The following GRHL2 variants were observed in gnomAD, a reference collection of about 807,000 sequenced individuals.
GRHL2 encodes the protein grainyhead like transcription factor 2.
Under a neutral mutation model 83.8 loss-of-function variants are expected in GRHL2, and 21 were observed. That is an observed-to-expected ratio of 0.25 (90% confidence interval 0.18 to 0.36). The LOEUF is 0.36. Among genes scored for constraint, GRHL2 ranks in the 10% least tolerant of loss-of-function variants. The probability of loss-of-function intolerance (pLI) is 1.00; values close to 1 mark genes in which losing one functional copy is unlikely to be tolerated. For synonymous variants in GRHL2, 280 were observed against 278.9 expected, an observed-to-expected ratio of 1.00 and a Z score of -0.04; for missense variants, 623 against 781.8, an observed-to-expected ratio of 0.80 and a Z score of 2.42.
intron 1 of GRHL2, among the ~76,000 whole-genome samples, chr8:101,540,679 A>G (rs1163052800): frequency 6.6e-6 from 1 of 152,120 alleles, no homozygotes; most frequent in Non-Finnish European, 1.5e-5. Flanking sequence ...GGCCCTTGAC[A>G]CACTTTTCAT....
intron 14 of GRHL2, among the ~76,000 whole-genome samples, chr8:101,649,838 A>G (rs533023181): frequency 2.0e-5 from 3 of 152,308 alleles, no homozygotes; most frequent in Non-Finnish European, 2.9e-5. Context: ...AAAACAATTA[A>G]CAAGTGTTTC....
intron 1 of GRHL2, among the ~76,000 whole-genome samples, chr8:101,504,229 C>T (rs1160374474): frequency 1.3e-5 from 2 of 152,188 alleles, no homozygotes; most frequent in African/African-American, 2.4e-5. Flanking sequence ...TGCTGCCTGT[C>T]GGTTCTGTGC....
chr8:101,533,686 G>T (rs1027987845), intron 1 of GRHL2, among the ~76,000 whole-genome samples: 7 of 152,232 alleles, frequency 4.6e-5, no homozygotes, highest in African/African-American at 9.6e-5. Context: ...GTGGAAGCAG[G>T]TTGCTGCATT....
At chr8:101,678,055 C>T in the GRHL2 span, among the ~76,000 whole-genome samples, 1 of 152,180 alleles carries the variant, frequency 6.6e-6, no homozygotes, top group African/African-American at 2.4e-5. Context: ...CAGCACACTT[C>T]CGGCGAAGAC....
intron 7 of GRHL2, among the ~76,000 whole-genome samples, chr8:101,597,874 T>A (rs909486947): frequency 4.6e-5 from 7 of 151,338 alleles, no homozygotes; most frequent in Admixed American, 2.6e-4. Context: ...CAACGAGCAG[T>A]GAGGTTAGAT....
At chr8:101,586,402 T>A (rs539372991) in intron 7 of GRHL2, among the ~76,000 whole-genome samples, 1 of 152,314 alleles carries the variant, frequency 6.6e-6, no homozygotes, top group South Asian at 2.1e-4. Context: ...ATCTCTGGGG[T>A]TCTCCTTGCC....
chr8:101,562,240 C>T, intron 4 of GRHL2: 1 of 604,928 alleles, frequency 1.7e-6, no homozygotes, highest in South Asian at 1.5e-5. Flanking sequence ...TTCCATAGCT[C>T]TCACTGGTAT....
chr8:101,589,398 G>A (rs1290297043), intron 7 of GRHL2, among the ~76,000 whole-genome samples: 2 of 152,222 alleles, frequency 1.3e-5, no homozygotes, highest in African/African-American at 2.4e-5. Context: ...ACGGGCACGC[G>A]TGCATGTGTG....
In GRHL2 at chr8:101,636,909, A is replaced by G. The variant is rs754407812; in HGVS notation, c.1498A>G (p.Thr500Ala). The G allele has an allele frequency of 7.4e-6, 12 of 1,613,764 alleles. No homozygotes were observed. Among genetic ancestry groups the G allele is most frequent in the Non-Finnish European group, 1.0e-5 (12 of 1,179,712 alleles). ...LQRTGQVYYN[T>A]DDEREGGSVL... Reference sequence around the variant, plus strand: ...TTTTGTTCCACAGGTGTATTACAACACGGATGATGAACGAGAAGGGTAAGA... The same window carrying G: ...TTTTGTTCCACAGGTGTATTACAACGCGGATGATGAACGAGAAGGGTAAGA... The change falls in exon 12 of 16, where the codon ACG becomes GCG. Residue 500 changes from threonine (T) to alanine (A), a missense_variant. Coordinates refer to ENST00000646743, the MANE Select transcript of GRHL2 (RefSeq NM_024915.4).
At chr8:101,607,107 T>C (rs1399112469) in intron 8 of GRHL2, among the ~76,000 whole-genome samples, 1 of 152,238 alleles carries the variant, frequency 6.6e-6, no homozygotes, top group Non-Finnish European at 1.5e-5. Context: ...CCTTTCCCCC[T>C]TCCCTCTATC....
At chr8:101,582,357 T>C (rs1812073777) in intron 7 of GRHL2, among the ~76,000 whole-genome samples, 1 of 152,176 alleles carries the variant, frequency 6.6e-6, no homozygotes, top group Admixed American at 6.5e-5. Flanking sequence ...GATTTGTTGA[T>C]TTGACCCATG....
At chr8:101,613,865 C>T (rs546504813) in intron 8 of GRHL2, among the ~76,000 whole-genome samples, 19 of 150,612 alleles carry the variant, frequency 1.3e-4, no homozygotes, top group East Asian at 1.9e-4. Context: ...TTTTCAGTCT[C>T]GATTATCAGG....
chr8:101,593,182 A>T (rs1438566655), intron 7 of GRHL2, among the ~76,000 whole-genome samples: 1 of 152,020 alleles, frequency 6.6e-6, no homozygotes, highest in Non-Finnish European at 1.5e-5. Context: ...CTGACCTCAG[A>T]TGATCCACCT....
intron 11 of GRHL2, among the ~76,000 whole-genome samples, chr8:101,633,729 AT>A (rs200583148): frequency 3.3e-5 from 5 of 149,424 alleles, no homozygotes; most frequent in South Asian, 2.1e-4. Flanking sequence ...GCCAGTACCT[AT>A]TTTTTTTTTA....
chr8:101,657,185 T>C (rs116449876), intron 14 of GRHL2, among the ~76,000 whole-genome samples: 2,186 of 152,230 alleles, frequency 0.014, 55 homozygotes, highest in African/African-American at 0.05. Flanking sequence ...TTGATGTATA[T>C]CTTAAGCGCC....
chr8:101,513,691 T>G (rs1406484891), intron 1 of GRHL2, among the ~76,000 whole-genome samples: 2 of 151,952 alleles, frequency 1.3e-5, no homozygotes, highest in Non-Finnish European at 2.9e-5. Context: ...GACAGGGGTT[T>G]CACCATGTTG....
chr8:101,674,960 CAT>C, the GRHL2 span, among the ~76,000 whole-genome samples: 1 of 152,152 alleles, frequency 6.6e-6, no homozygotes, highest in African/African-American at 2.4e-5. Context: ...ACAAAAACCA[CAT>C]GATTATCTCA....
At chr8:101,504,975 G>GA (rs34007500) in intron 1 of GRHL2, among the ~76,000 whole-genome samples, 23,790 of 112,812 alleles carry the variant, frequency 0.21, 2,222 homozygotes, top group Middle Eastern at 0.4. Context: ...ATTGCATTAG[G>GA]AAAAAAAAAA....
chr8:101,634,346 T>C (rs890542599), intron 11 of GRHL2, among the ~76,000 whole-genome samples: 8 of 152,180 alleles, frequency 5.3e-5, no homozygotes, highest in African/African-American at 1.4e-4. Flanking sequence ...GGAAAGGAGC[T>C]TGGACAGTGG....
Sources: gnomAD v4.1 joint callset for allele counts (sites outside exome capture counted in the v4.1 genomes callset) on GRCh38, gnomAD v4.1.1 for gene constraint, MANE v1.5 for transcripts, NCBI Gene and HGNC (gene_info 2026-07-23, HGNC 2026-07-21) for gene names.